CADM2: variants seen among roughly 807,000 people sequenced by gnomAD.
The protein encoded by CADM2 is immunoglobulin superfamily member 4D.
Under a neutral mutation model 49.8 loss-of-function variants are expected in CADM2, and 12 were observed. That is an observed-to-expected ratio of 0.24 (90% CI 0.15 to 0.39). The LOEUF is 0.39. Ranked by LOEUF, CADM2 falls within the 10% of genes least tolerant of loss-of-function variation. CADM2 has a pLI of 1.00. For missense variants in CADM2, 378 were observed against 492.3 expected (o/e 0.77, Z 2.20); for synonymous variants, 214 against 175.4 (o/e 1.22, Z -1.74).
chr3:85,602,915 T>C (rs2107406601), intron 1 of CADM2, among the ~76,000 whole-genome samples: 1 of 151,892 alleles, frequency 6.6e-6, no homozygotes, highest in South Asian at 2.1e-4. Flanking sequence ...CCAGTATCAC[T>C]TTTGCCGTAT....
intron 1 of CADM2, among the ~76,000 whole-genome samples, chr3:85,418,077 T>A (rs2035995640): frequency 6.6e-6 from 1 of 152,142 alleles, no homozygotes; most frequent in Non-Finnish European, 1.5e-5. Flanking sequence ...TCAGTAAATA[T>A]CAAGCCTCGA....
At chr3:85,905,423 T>C (rs1716670432) in intron 5 of CADM2, among the ~76,000 whole-genome samples, 1 of 152,130 alleles carries the variant, frequency 6.6e-6, no homozygotes, top group Non-Finnish European at 1.5e-5. Context: ...CCGAATTATA[T>C]ATATTGACAT....
intron 1 of CADM2, among the ~76,000 whole-genome samples, chr3:85,253,320 T>C (rs140089845): frequency 6.9e-4 from 105 of 152,218 alleles, no homozygotes; most frequent in African/African-American, 2.0e-3. Context: ...GATCAGGCTT[T>C]GGTAGATCAA....
intron 1 of CADM2, among the ~76,000 whole-genome samples, chr3:85,477,490 A>G (rs2039026435): frequency 6.6e-6 from 1 of 151,926 alleles, no homozygotes; most frequent in Non-Finnish European, 1.5e-5. Flanking sequence ...AGATGATGGA[A>G]AAGTAGAATA....
intron 8 of CADM2, among the ~76,000 whole-genome samples, chr3:85,989,931 T>A (rs1258523682): frequency 7.7e-6 from 1 of 130,274 alleles, no homozygotes; most frequent in Non-Finnish European, 1.5e-5. Context: ...GAGAATCGCT[T>A]GACCCGGGAA....
At chr3:85,292,214 G>A (rs1180290925) in intron 1 of CADM2, among the ~76,000 whole-genome samples, 1 of 149,322 alleles carries the variant, frequency 6.7e-6, no homozygotes, top group Non-Finnish European at 1.5e-5. Context: ...AATGGTAAAG[G>A]GATCAATTCA....
chr3:85,061,518 C>T (rs892714054), intron 1 of CADM2, among the ~76,000 whole-genome samples: 2 of 152,124 alleles, frequency 1.3e-5, no homozygotes, highest in Non-Finnish European at 2.9e-5. Flanking sequence ...ATTTCAACAT[C>T]GGGAGTATTC....
intron 1 of CADM2, among the ~76,000 whole-genome samples, chr3:85,051,818 G>A (rs1360704260): frequency 2.6e-5 from 4 of 151,968 alleles, no homozygotes; most frequent in Non-Finnish European, 5.9e-5. Flanking sequence ...AAAAGAAAAC[G>A]GGGCATTGGG....
At chr3:85,896,177 T>C (rs1002700936) in intron 5 of CADM2, among the ~76,000 whole-genome samples, 11 of 152,072 alleles carry the variant, frequency 7.2e-5, no homozygotes, top group African/African-American at 2.7e-4. Context: ...TCTTAGCTGC[T>C]TGGGAGGCTG....
chr3:85,712,105 C>A (rs150620647), intron 1 of CADM2, among the ~76,000 whole-genome samples: 1 of 152,250 alleles, frequency 6.6e-6, no homozygotes, highest in Non-Finnish European at 1.5e-5. Flanking sequence ...AAATGGCAAT[C>A]TTTTGACTAT....
intron 1 of CADM2, among the ~76,000 whole-genome samples, chr3:85,518,943 G>A (rs1334563019): frequency 2.6e-5 from 4 of 151,690 alleles, no homozygotes; most frequent in Admixed American, 6.6e-5. Context: ...CTACTACCAG[G>A]GCCATTTTAG....
chr3:85,455,415 T>C (rs1246843357), intron 1 of CADM2, among the ~76,000 whole-genome samples: 2 of 152,208 alleles, frequency 1.3e-5, no homozygotes, highest in Non-Finnish European at 1.5e-5. Context: ...TTCTGTTACA[T>C]CCACCCTACT....
intron 1 of CADM2, among the ~76,000 whole-genome samples, chr3:85,292,015 C>T (rs1054336059): frequency 3.3e-5 from 5 of 151,906 alleles, no homozygotes; most frequent in African/African-American, 1.2e-4. Context: ...ACAGTCAAGA[C>T]CCATCAGTGT....
chr3:85,923,437 A>C (rs1719401139), intron 6 of CADM2, among the ~76,000 whole-genome samples: 1 of 151,530 alleles, frequency 6.6e-6, no homozygotes, highest in South Asian at 2.1e-4. Context: ...TTTCTCCTCC[A>C]ATTTTTCTAA....
intron 1 of CADM2, among the ~76,000 whole-genome samples, chr3:85,335,470 TAC>T (rs1454085883): frequency 4.0e-5 from 6 of 151,568 alleles, no homozygotes; most frequent in African/African-American, 1.4e-4. Flanking sequence ...ATTTATGGTG[TAC>T]AGTGTTATGT....
chr3:85,114,664 G>C (rs1487851083), intron 1 of CADM2, among the ~76,000 whole-genome samples: 1 of 152,096 alleles, frequency 6.6e-6, no homozygotes, highest in African/African-American at 2.4e-5. Context: ...CAGATCTGGT[G>C]CGAGATAGGT....
At chr3:85,212,867 TTTCTTTCTTTCTTTCTTTCTCTTTCTTTC>T (rs1559723795) in intron 1 of CADM2, among the ~76,000 whole-genome samples, 22 of 133,410 alleles carry the variant, frequency 1.6e-4, no homozygotes, top group African/African-American at 7.2e-4. Context: ...TCTTTCTTTC[TTTCTTTCTTTCTTTCTTTCTCTTTCTTTC>T]TTTTAATGGA....
intron 3 of CADM2, among the ~76,000 whole-genome samples, chr3:85,824,271 T>C (rs191747449): frequency 1.3e-5 from 2 of 152,302 alleles, no homozygotes; most frequent in East Asian, 1.9e-4. Context: ...GGTGCAAGGA[T>C]ACTAAGCAGT....
intron 1 of CADM2, among the ~76,000 whole-genome samples, chr3:85,155,464 A>G (rs945829878): frequency 5.3e-5 from 8 of 152,186 alleles, no homozygotes; most frequent in South Asian, 4.1e-4. Context: ...CCTATAAAGA[A>G]ACTTAGACTC....
Sources: gnomAD v4.1 joint callset for allele counts (sites outside exome capture counted in the v4.1 genomes callset) on GRCh38, gnomAD v4.1.1 for gene constraint, MANE v1.5 for transcripts, NCBI Gene and HGNC (gene_info 2026-07-23, HGNC 2026-07-21) for gene names.